The following PSMA4 variants were observed in gnomAD, a reference collection of about 807,000 sequenced individuals.
The protein encoded by PSMA4 is proteasome 20S subunit alpha 4.
PSMA4 carries 8 observed loss-of-function variants against 37.2 expected under a neutral mutation model. The observed-to-expected ratio is 0.22, with a 90% confidence interval of 0.13 to 0.39. The LOEUF (loss-of-function observed/expected upper bound fraction) is 0.39, where lower values mean the gene tolerates loss of function less well. Ranked by LOEUF, PSMA4 falls within the 10% of genes least tolerant of loss-of-function variation. The probability of loss-of-function intolerance (pLI) is 1.00; values close to 1 mark genes in which losing one functional copy is unlikely to be tolerated. For synonymous variants in PSMA4, 93 were observed against 98.8 expected, an observed-to-expected ratio of 0.94 and a Z score of 0.35; for missense variants, 169 against 305.1, an observed-to-expected ratio of 0.55 and a Z score of 3.32.
At chr15:78,544,782 G>C (rs1050107477) in intron 5 of PSMA4, 87 bp from the exon 6 acceptor site, 6 of 845,430 alleles carry the variant, frequency 7.1e-6, no homozygotes, top group African/African-American at 6.8e-5. Flanking sequence ...TGTCCCCATG[G>C]CATAGATTGC....
chr15:78,547,836 C>CAA (rs549125654), intron 8 of PSMA4, among the ~76,000 whole-genome samples: 1 of 136,902 alleles, frequency 7.3e-6, no homozygotes. Flanking sequence ...GACTCTGTCT[C>CAA]AAAAAAAAAA....
chr15:78,543,957 A>G (rs1596042990), intron 4 of PSMA4: 1 of 412,766 alleles, frequency 2.4e-6, no homozygotes, highest in African/African-American at 2.1e-5. Flanking sequence ...GGTGGTAATG[A>G]TAAATACATC....
rs554165526 is a variant in PSMA4, at chr15:78,552,359, T to C, written c.*3415T>C. ...TCAAAACTTTAAAATCAAAGTCAAA[T>C]TGATTTCATTTTGGTGAGCTTTCAA... On this transcript the variant is annotated 3_prime_UTR_variant, in exon 9 of 9. Transcript: ENST00000044462. The C allele has an allele frequency of 5.9e-5, 9 of 152,342 alleles. No individual in the cohort carries two copies. The highest frequency in any genetic ancestry group is 2.1e-4 in the South Asian group (1 of 4,830). The allele number at this position is 152,342 out of a possible 1,614,324, so 9.4% of individuals were successfully genotyped here. A position where few individuals can be genotyped will look rare whatever the true frequency, so the allele number is the denominator to read the frequency against.
At chr15:78,542,821 CA>C (rs1355270132) in intron 4 of PSMA4, 176 bp downstream of exon 4, 11 of 606,170 alleles carry the variant, frequency 1.8e-5, no homozygotes, top group Admixed American at 3.1e-5. Context: ...AAGTGCAGGG[CA>C]AACACTTAGT....
chr15:78,549,427 A>C lies in PSMA4; in HGVS notation c.*483A>C, dbSNP rs2052613463. ...CGCAGCTAGGACTGAGGCTGCCCACAGGCAGCAGCTCAAGCTGCGCGGAAG... is the reference window on the plus strand; with the variant it reads ...CGCAGCTAGGACTGAGGCTGCCCACCGGCAGCAGCTCAAGCTGCGCGGAAG... On this transcript the variant is annotated 3_prime_UTR_variant, in exon 9 of 9. Coordinates refer to ENST00000044462, the MANE Select transcript of PSMA4 (RefSeq NM_002789.6). 6.6e-6 allele frequency: 1 copy of C among 152,336 alleles called. No homozygotes were observed. Among genetic ancestry groups the C allele is most frequent in the African/African-American group, 2.4e-5 (1 of 41,434 alleles). 9.4% of individuals were successfully genotyped at this position (152,336 alleles called of 1,614,324 possible).
chr15:78,542,301 T>C, intron 3 of PSMA4, 82 bp downstream of exon 3: 2 of 1,464,872 alleles, frequency 1.4e-6, no homozygotes, highest in Non-Finnish European at 1.9e-6. Flanking sequence ...CAAACTTTTT[T>C]TGGTAGTTGC....
intron 3 of PSMA4, 76 bp from the exon 4 acceptor site, chr15:78,542,407 A>G: frequency 6.6e-7 from 1 of 1,525,964 alleles, no homozygotes; most frequent in Non-Finnish European, 8.9e-7. Flanking sequence ...AGCTTGCTTC[A>G]TTGCTGATTT....
In PSMA4 at chr15:78,545,616, T is replaced by C. The variant is rs767613820; in HGVS notation, c.377-18T>C. On this transcript the variant is annotated intron_variant, in intron 6 of 8. Coordinates refer to ENST00000044462, the MANE Select transcript of PSMA4 (RefSeq NM_002789.6). ...AATTTAGATTATTGATATGTTTGGCTTTTTTTCTTTGTTAAAGGAAAACGT... is the reference window on the plus strand; with the variant it reads ...AATTTAGATTATTGATATGTTTGGCCTTTTTTCTTTGTTAAAGGAAAACGT... The C allele has an allele frequency of 1.9e-6, 3 of 1,612,308 alleles. No individual in the cohort carries two copies. The highest frequency in any genetic ancestry group is 2.5e-6 in the Non-Finnish European group (3 of 1,178,540).
At chr15:78,542,897 C>T (rs141147481) in intron 4 of PSMA4, among the ~76,000 whole-genome samples, 1 of 152,186 alleles carries the variant, frequency 6.6e-6, no homozygotes, top group Admixed American at 6.5e-5. Flanking sequence ...TTGGGTTCAA[C>T]TCCAGGCTTC....
In PSMA4 at chr15:78,551,993, A is replaced by G. The variant is rs2052649509; in HGVS notation, c.*3049A>G. ...TAAATTCATACTGTGAGGAAAAGCA[A>G]AAGATAGGAGGTGAGGCAAAAGCTA... On this transcript the variant is annotated 3_prime_UTR_variant, in exon 9 of 9. Transcript: ENST00000044462. 6.6e-6 allele frequency: 1 copy of G among 152,218 alleles called. No individual in the cohort carries two copies. Among genetic ancestry groups the G allele is most frequent in the African/African-American group, 2.4e-5 (1 of 41,446 alleles). The allele number at this position is 152,218 out of a possible 1,614,324, so 9.4% of individuals were successfully genotyped here.
rs761857237 is a variant in PSMA4, at chr15:78,542,478, T to C, written c.47-5T>C. ...TCTTGGCTTCTCACTGCTTTTGTTT[T>C]GTAGGTCGCTTATACCAAGTTGAAT... is the stretch of plus-strand genomic sequence containing the variant. On this transcript the variant is annotated splice_region_variant and splice_polypyrimidine_tract_variant and intron_variant, in intron 3 of 8. Transcript: ENST00000044462. 2 of 1,609,830 alleles carry C rather than the reference T, an allele frequency of 1.2e-6. No homozygotes were observed. Among genetic ancestry groups the C allele is most frequent in the East Asian group, 4.5e-5 (2 of 44,858 alleles).
chr15:78,547,969 C>A (rs909256662), intron 8 of PSMA4, among the ~76,000 whole-genome samples: 2 of 152,082 alleles, frequency 1.3e-5, no homozygotes, highest in African/African-American at 4.8e-5. Flanking sequence ...TGGCTCACGC[C>A]TGTAATCCCC....
intron 4 of PSMA4, among the ~76,000 whole-genome samples, chr15:78,543,057 T>C (rs2052483237): frequency 6.6e-6 from 1 of 152,018 alleles, no homozygotes; most frequent in Admixed American, 6.5e-5. Context: ...AAGTATTGTT[T>C]AGAATAGCTA....
intron 1 of PSMA4, chr15:78,541,322 G>A (rs2052448007): frequency 6.4e-6 from 1 of 155,206 alleles, no homozygotes; most frequent in South Asian, 1.9e-4. Context: ...CAAGATAACT[G>A]CCTCCACCCC....
At chr15:78,547,769 G>A (rs1308148869) in intron 8 of PSMA4, among the ~76,000 whole-genome samples, 8 of 152,144 alleles carry the variant, frequency 5.3e-5, no homozygotes, top group African/African-American at 1.9e-4. Flanking sequence ...CCTGGGAAGC[G>A]GAGGCTGCAG....
At chr15:78,548,737 C>G (rs772586254) in intron 8 of PSMA4, 53 bp from the exon 9 acceptor site, 12 of 1,567,830 alleles carry the variant, frequency 7.7e-6, no homozygotes, top group Non-Finnish European at 9.5e-6. Context: ...AGCTTCTCTG[C>G]TAAGTATGCC....
rs193242362 is a variant in PSMA4, at chr15:78,549,724, T to C, written c.*780T>C. ...AACCCAGTAATCTGTTCTAACAAGC[T>C]CTGCATGTGATTCTTAGGAATGCTA... On this transcript the variant is annotated 3_prime_UTR_variant, in exon 9 of 9. Transcript: ENST00000044462. The C allele has an allele frequency of 6.6e-6, 1 of 152,366 alleles. No homozygotes were observed. The highest frequency in any genetic ancestry group is 6.5e-5 in the Admixed American group (1 of 15,310). The allele number at this position is 152,366 out of a possible 1,614,324, so 9.4% of individuals were successfully genotyped here.
intron 7 of PSMA4, 32 bp from the exon 8 acceptor site, chr15:78,546,543 C>T (rs2141377706): frequency 6.5e-7 from 1 of 1,545,374 alleles, no homozygotes; most frequent in Non-Finnish European, 8.7e-7. Context: ...AATGTAAAAA[C>T]TTAAAATTCT....
At chr15:78,544,590 C>T (rs1023446140) in intron 5 of PSMA4, 1 of 448,948 alleles carries the variant, frequency 2.2e-6, no homozygotes, top group African/African-American at 2.0e-5. Context: ...TTAGCCACTG[C>T]ACCTGGCCTA....
Sources: allele counts gnomAD v4.1 joint callset (sites outside exome capture counted in the v4.1 genomes callset), GRCh38; gene constraint gnomAD v4.1.1; transcripts MANE v1.5; gene names NCBI Gene and HGNC (gene_info 2026-07-23, HGNC 2026-07-21).